The following PKIB variants were observed in gnomAD, a reference collection of about 807,000 sequenced individuals.
PKIB encodes the protein cAMP-dependent protein kinase inhibitor beta.
In PKIB, 2 loss-of-function variants were observed where a neutral mutation model predicts 4.5. That is an observed-to-expected ratio of 0.44 (90% CI 0.18 to 1.39). The LOEUF (loss-of-function observed/expected upper bound fraction) is 1.39. Among genes scored for constraint, PKIB ranks in the 40% most tolerant of loss-of-function variants. The pLI is 0.27. For missense variants in PKIB, 94 were observed against 92.6 expected, an observed-to-expected ratio of 1.02 and a Z score of -0.06; for synonymous variants, 38 against 36.0, an observed-to-expected ratio of 1.06 and a Z score of -0.20.
chr6:122,487,932 A>G (rs1775816612), intron 2 of PKIB, among the ~76,000 whole-genome samples: 1 of 152,178 alleles, frequency 6.6e-6, no homozygotes, highest in African/African-American at 2.4e-5. Context: ...ATTACTGATG[A>G]TAACACATTT....
chr6:122,584,977 A>G (rs1029640992), intron 2 of PKIB, among the ~76,000 whole-genome samples: 13 of 152,250 alleles, frequency 8.5e-5, no homozygotes, highest in African/African-American at 3.1e-4. Context: ...TTCCATGTCA[A>G]TAACCTAACA....
At chr6:122,713,230 CTCCAAATGTCTAAATGGT>C (rs1379814175) in intron 3 of PKIB, among the ~76,000 whole-genome samples, 1 of 152,086 alleles carries the variant, frequency 6.6e-6, no homozygotes, top group East Asian at 1.9e-4. Flanking sequence ...TTTGTGAAAT[CTCCAAATGTCTAAATGGT>C]TCCAGCTCCT....
chr6:122,665,342 G>T (rs1777176558), intron 2 of PKIB, among the ~76,000 whole-genome samples: 1 of 152,086 alleles, frequency 6.6e-6, no homozygotes, highest in African/African-American at 2.4e-5. Flanking sequence ...CTTTAAAATG[G>T]ATTTATTGCA....
At chr6:122,605,796 A>G (rs1774512105), upstream of PKIB, among the ~76,000 whole-genome samples, 2 of 152,182 alleles carry the variant, frequency 1.3e-5, no homozygotes, top group South Asian at 4.2e-4. Context: ...TCAGGGGTGT[A>G]AAGACTCTGG....
intron 3 of PKIB, among the ~76,000 whole-genome samples, chr6:122,711,121 C>T (rs1207650493): frequency 6.9e-6 from 1 of 145,666 alleles, no homozygotes; most frequent in Non-Finnish European, 1.5e-5. Context: ...TGGATAACAC[C>T]CAATATACAT....
At chr6:122,628,267 C>A (rs1477528416) in intron 1 of PKIB, among the ~76,000 whole-genome samples, 1 of 152,182 alleles carries the variant, frequency 6.6e-6, no homozygotes, top group Non-Finnish European at 1.5e-5. Context: ...AAACTCCCGA[C>A]CTCAGGTGAT....
At chr6:122,710,650 G>A (rs1025959325) in intron 3 of PKIB, among the ~76,000 whole-genome samples, 6 of 152,114 alleles carry the variant, frequency 3.9e-5, no homozygotes, top group South Asian at 2.1e-4. Context: ...GGAATTAAGC[G>A]CTGCCTCCAC....
At chr6:122,576,689 A>ATATATAT (rs1554221325) in intron 2 of PKIB, among the ~76,000 whole-genome samples, 7 of 34,318 alleles carry the variant, frequency 2.0e-4, no homozygotes, top group South Asian at 1.7e-3. Context: ...AAAAAAAAAA[A>ATATATAT]ATATATATAT....
chr6:122,692,676 C>T (rs2115004290), intron 3 of PKIB, among the ~76,000 whole-genome samples: 1 of 152,254 alleles, frequency 6.6e-6, no homozygotes, highest in African/African-American at 2.4e-5. Flanking sequence ...TGGTGCTCTA[C>T]CCCACTGTGG....
Position 122,690,022 on chromosome 6 carries a change from A to G in PKIB, c.-9+14878A>G, listed in dbSNP as rs919840359. On this transcript the variant is annotated intron_variant, in intron 3 of 4. Transcript: ENST00000368452. Reference sequence around the variant, plus strand: ...CATTATATGACCTTTGTTTCTTCCTATAGTTTTTGTCTTGAAGTACATTTT... The same window carrying G: ...CATTATATGACCTTTGTTTCTTCCTGTAGTTTTTGTCTTGAAGTACATTTT... Among the ~76,000 whole-genome samples, 7 of 150,132 alleles carry G rather than the reference A, an allele frequency of 4.7e-5. No individual in the cohort carries two copies. The East Asian group carries it at 1.2e-3, about 26-fold the overall frequency.
chr6:122,722,496 G>A (rs1779784356), intron 4 of PKIB, among the ~76,000 whole-genome samples: 1 of 152,136 alleles, frequency 6.6e-6, no homozygotes, highest in South Asian at 2.1e-4. Context: ...CCAACTTAGA[G>A]ATAGCAGATA....
At chr6:122,509,247 A>C (rs191315513) in intron 2 of PKIB, among the ~76,000 whole-genome samples, 11 of 152,240 alleles carry the variant, frequency 7.2e-5, no homozygotes, top group East Asian at 5.8e-4. Flanking sequence ...AATTTTAAGA[A>C]CTGGAAAATT....
chr6:122,676,792 G>A (rs754686172), intron 3 of PKIB, among the ~76,000 whole-genome samples: 14 of 152,154 alleles, frequency 9.2e-5, no homozygotes, highest in Non-Finnish European at 1.8e-4. Context: ...TGCATTAAAT[G>A]TTTAATTACA....
At chr6:122,676,935 A>G (rs1341521383) in intron 3 of PKIB, among the ~76,000 whole-genome samples, 1 of 152,188 alleles carries the variant, frequency 6.6e-6, no homozygotes, top group Non-Finnish European at 1.5e-5. Context: ...AAATATTAAC[A>G]ATGACATTAA....
upstream of PKIB, among the ~76,000 whole-genome samples, chr6:122,608,899 C>A (rs2114753798): frequency 6.6e-6 from 1 of 152,210 alleles, no homozygotes; most frequent in Non-Finnish European, 1.5e-5. Flanking sequence ...ATTTTAGTAT[C>A]ACTCTCTGTC....
Position 122,548,377 on chromosome 6 carries a change from A to T in PKIB, c.-247-37544A>T, listed in dbSNP as rs527811993. Among the ~76,000 whole-genome samples, 35 of 152,332 alleles carry T rather than the reference A, an allele frequency of 2.3e-4. No homozygotes were observed. In the South Asian group the frequency reaches 6.8e-3, roughly 30 times the overall value. ...CCGAGCCTTTCTAAAGCATTAAAAA[A>T]AATAAATCTCTTAGCAAATATTAAA... On this transcript the variant is annotated intron_variant, in intron 2 of 6. Transcript: ENST00000392491.
In PKIB at chr6:122,594,003, A is replaced by G. The variant is rs530074975; in HGVS notation, c.-161+7996A>G. Among the ~76,000 whole-genome samples, 392 of 152,240 alleles carry G rather than the reference A, an allele frequency of 2.6e-3. 1 individual carries two copies. The highest frequency in any genetic ancestry group is 9.2e-3 in the African/African-American group (381 of 41,534). ...CCTTTGTCAACCTGAACCCATACAC[A>G]TCTCCTGAGATCATACATAATCTTC... On this transcript the variant is annotated intron_variant, in intron 3 of 6. Transcript: ENST00000392491.
At chr6:122,615,647 G>A (rs1053483447) in intron 1 of PKIB, among the ~76,000 whole-genome samples, 2 of 152,114 alleles carry the variant, frequency 1.3e-5, no homozygotes, top group East Asian at 1.9e-4. Flanking sequence ...CTAGGATGAG[G>A]TCATACTAGA....
intron 2 of PKIB, among the ~76,000 whole-genome samples, chr6:122,496,748 A>G (rs1370497829): frequency 6.6e-6 from 1 of 152,186 alleles, no homozygotes; most frequent in Non-Finnish European, 1.5e-5. Flanking sequence ...CAAGTCTATA[A>G]ATTATTGGCA....
Sources: gnomAD v4.1 joint callset for allele counts (sites outside exome capture counted in the v4.1 genomes callset) on GRCh38, gnomAD v4.1.1 for gene constraint, MANE v1.5 for transcripts, NCBI Gene and HGNC (gene_info 2026-07-23, HGNC 2026-07-21) for gene names.